The following NAV2 variants were observed in gnomAD, a reference collection of about 807,000 sequenced individuals.
NAV2 encodes helicase, APC down-regulated 1.
A neutral mutation model predicts 223.2 loss-of-function variants in NAV2; 54 were observed. The observed-to-expected ratio is 0.24, with a 90% CI of 0.19 to 0.30. The LOEUF is 0.30. Among genes scored for constraint, NAV2 ranks in the 10% least tolerant of loss-of-function variants. NAV2 has a pLI of 1.00. For missense variants in NAV2, 2,806 were observed against 3,147.5 expected, an observed-to-expected ratio of 0.89 and a Z score of 2.60; for synonymous variants, 1,279 against 1,239.3, an observed-to-expected ratio of 1.03 and a Z score of -0.67.
At chr11:19,989,072 C>T (rs188917451) in intron 11 of NAV2, among the ~76,000 whole-genome samples, 238 of 152,330 alleles carry the variant, frequency 1.6e-3, no homozygotes, top group African/African-American at 5.6e-3. Context: ...GACTGCTCCC[C>T]TCACGCTTCA....
At chr11:19,889,545 C>T (rs1289426501) in intron 5 of NAV2, among the ~76,000 whole-genome samples, 7 of 152,202 alleles carry the variant, frequency 4.6e-5, no homozygotes, top group African/African-American at 1.7e-4. Flanking sequence ...ACCATTCGCC[C>T]TTTGCCATGT....
intron 1 of NAV2, among the ~76,000 whole-genome samples, chr11:19,549,148 T>A (rs2044606805): frequency 6.6e-6 from 1 of 152,196 alleles, no homozygotes; most frequent in Non-Finnish European, 1.5e-5. Flanking sequence ...TGTCTTGGAA[T>A]GTGGCTGAGG....
intron 1 of NAV2, among the ~76,000 whole-genome samples, chr11:19,385,186 A>G (rs1848988243): frequency 6.6e-6 from 1 of 152,220 alleles, no homozygotes; most frequent in Non-Finnish European, 1.5e-5. Flanking sequence ...AATTCCCATG[A>G]TTGGTAAGGA....
intron 1 of NAV2, among the ~76,000 whole-genome samples, chr11:19,603,876 T>C (rs750010675): frequency 7.9e-5 from 12 of 151,816 alleles, no homozygotes; most frequent in Non-Finnish European, 1.2e-4. Flanking sequence ...GAAGTGACAT[T>C]TGAGTAGAGC....
chr11:19,886,307 C>T (rs1045118932), intron 5 of NAV2, among the ~76,000 whole-genome samples: 1 of 152,184 alleles, frequency 6.6e-6, no homozygotes, highest in African/African-American at 2.4e-5. Flanking sequence ...GAAGTGCTTA[C>T]ACTTGGGGAG....
intron 1 of NAV2, chr11:19,503,977 A>G (rs950299712): frequency 1.3e-5 from 2 of 152,266 alleles, no homozygotes; most frequent in Non-Finnish European, 2.9e-5. Flanking sequence ...CAATAAGGAA[A>G]CAAACAACCT....
At chr11:19,442,368 G>A (rs1851436170) in intron 1 of NAV2, among the ~76,000 whole-genome samples, 1 of 152,264 alleles carries the variant, frequency 6.6e-6, no homozygotes, top group Non-Finnish European at 1.5e-5. Context: ...GCACAGGCAA[G>A]TTGCTGAGTT....
intron 1 of NAV2, among the ~76,000 whole-genome samples, chr11:19,527,625 C>G (rs2043883204): frequency 6.6e-6 from 1 of 151,362 alleles, no homozygotes; most frequent in South Asian, 2.1e-4. Flanking sequence ...CCACCCCCAC[C>G]CCGTCCACTC....
chr11:19,679,068 T>C (rs889520320), intron 1 of NAV2, among the ~76,000 whole-genome samples: 15 of 152,202 alleles, frequency 9.9e-5, no homozygotes, highest in Non-Finnish European at 1.8e-4. Flanking sequence ...TTTTTAAAAA[T>C]GTATATGTCT....
At chr11:19,670,684 C>A (rs888006262) in intron 1 of NAV2, among the ~76,000 whole-genome samples, 1 of 152,146 alleles carries the variant, frequency 6.6e-6, no homozygotes, top group Non-Finnish European at 1.5e-5. Context: ...CCCTCCACAC[C>A]CAAAGGAAGG....
intron 1 of NAV2, among the ~76,000 whole-genome samples, chr11:19,700,648 C>T (rs955549576): frequency 2.0e-5 from 3 of 152,200 alleles, no homozygotes; most frequent in African/African-American, 7.2e-5. Context: ...CCACCCGAAG[C>T]ACACTGGCAG....
At chr11:20,023,710 GT>G (rs2054756440) in intron 11 of NAV2, among the ~76,000 whole-genome samples, 2 of 151,694 alleles carry the variant, frequency 1.3e-5, no homozygotes, top group Non-Finnish European at 2.9e-5. Flanking sequence ...GTGTGTGTGT[GT>G]GTGTGTGTGT....
At chr11:19,422,422 C>G (rs934882132) in intron 1 of NAV2, among the ~76,000 whole-genome samples, 3 of 152,192 alleles carry the variant, frequency 2.0e-5, no homozygotes, top group African/African-American at 7.2e-5. Flanking sequence ...CCCCACGGCC[C>G]TGAAGAGCAA....
intron 1 of NAV2, among the ~76,000 whole-genome samples, chr11:19,699,798 C>T (rs956030984): frequency 6.6e-6 from 1 of 152,234 alleles, no homozygotes; most frequent in Non-Finnish European, 1.5e-5. Flanking sequence ...TTGAGCCCCT[C>T]TGTGCCTCTC....
At chr11:19,932,997 A>T (rs1339661019) in intron 6 of NAV2, among the ~76,000 whole-genome samples, 179 bp from the exon 7 acceptor site, 1 of 152,228 alleles carries the variant, frequency 6.6e-6, no homozygotes, top group African/African-American at 2.4e-5. Context: ...CAGTATGGAA[A>T]GCAGGAGGAA....
chr11:19,730,175 C>T (rs1443736834), intron 1 of NAV2, among the ~76,000 whole-genome samples: 3 of 152,198 alleles, frequency 2.0e-5, no homozygotes, highest in Non-Finnish European at 4.4e-5. Context: ...TCCTCAGGTG[C>T]AAGTGCCTCG....
At chr11:19,914,084 GACA>G (rs2043558997) in intron 6 of NAV2, among the ~76,000 whole-genome samples, 1 of 151,074 alleles carries the variant, frequency 6.6e-6, no homozygotes, top group African/African-American at 2.4e-5. Context: ...CTGGTAGCTA[GACA>G]TCTGCCATAG....
Position 20,119,439 on chromosome 11 carries a change from ACAC to A in NAV2, c.*1184_*1186del, listed in dbSNP as rs1200898988. On this transcript the variant is annotated 3_prime_UTR_variant, in exon 38 of 38. Coordinates refer to ENST00000349880, the MANE Select transcript of NAV2 (RefSeq NM_145117.5). ...TCTCGTCCTTGAGGGTTTAGAACAC[ACAC>A]CAACACCTCCAGCGTCCCCGCCCCA... The A allele has an allele frequency of 5.2e-5, 8 of 152,556 alleles. No individual in the cohort carries two copies. The highest frequency in any genetic ancestry group is 1.2e-4 in the Non-Finnish European group (8 of 68,054). 9.5% of individuals were successfully genotyped at this position (152,556 alleles called of 1,614,324 possible). A position where few individuals can be genotyped will look rare whatever the true frequency, so the allele number is the denominator to read the frequency against.
At chr11:19,823,664 G>C (rs2059501687) in intron 1 of NAV2, among the ~76,000 whole-genome samples, 1 of 152,102 alleles carries the variant, frequency 6.6e-6, no homozygotes, top group African/African-American at 2.4e-5. Flanking sequence ...AAGACTCTGG[G>C]GTCTCTTAAG....
Sources: gnomAD v4.1 joint callset for allele counts (sites outside exome capture counted in the v4.1 genomes callset) on GRCh38, gnomAD v4.1.1 for gene constraint, MANE v1.5 for transcripts, NCBI Gene and HGNC (gene_info 2026-07-23, HGNC 2026-07-21) for gene names.